DISC1: variants seen among roughly 807,000 people sequenced by gnomAD.
DISC1 encodes the protein DISC1 scaffold protein, also known as disrupted in schizophrenia 1 protein.
In DISC1, 57 loss-of-function variants were observed where a neutral mutation model predicts 84.5. The ratio of observed to expected loss-of-function variants is 0.67; its 90% CI spans 0.55 to 0.84. The LOEUF (loss-of-function observed/expected upper bound fraction) is 0.84, where lower values mean the gene tolerates loss of function less well. Among genes scored for constraint, DISC1 ranks in the 40% least tolerant of loss-of-function variants. The pLI, the probability that DISC1 is intolerant of heterozygous loss-of-function variation, is 0.00. For missense variants in DISC1, 1,000 were observed against 1,057.8 expected (o/e 0.95, Z 0.76); for synonymous variants, 411 against 415.2 (o/e 0.99, Z 0.12).
At chr1:231,959,864 G>A (rs1400662181) in intron 10 of DISC1, among the ~76,000 whole-genome samples, 2 of 152,204 alleles carry the variant, frequency 1.3e-5, no homozygotes, top group African/African-American at 4.8e-5. Flanking sequence ...GCTCCGCTCT[G>A]AGTCTGGCCT....
chr1:231,794,626 C>T (rs1160509280), intron 6 of DISC1, among the ~76,000 whole-genome samples: 1 of 152,126 alleles, frequency 6.6e-6, no homozygotes, highest in Non-Finnish European at 1.5e-5. Flanking sequence ...GTGGACACAA[C>T]AGACAGTCGC....
At chr1:231,789,997 C>T (rs1249970192) in intron 6 of DISC1, among the ~76,000 whole-genome samples, 1 of 152,074 alleles carries the variant, frequency 6.6e-6, no homozygotes, top group East Asian at 1.9e-4. Context: ...CAAAGACATT[C>T]TCACATAACA....
At chr1:231,820,698 A>C (rs1286909708) in intron 9 of DISC1, among the ~76,000 whole-genome samples, 2 of 152,168 alleles carry the variant, frequency 1.3e-5, no homozygotes, top group Non-Finnish European at 2.9e-5. Flanking sequence ...AGTCAGAAAA[A>C]AAACAAAGAA....
At chr1:231,993,218 G>C (rs1053596376) in intron 10 of DISC1, among the ~76,000 whole-genome samples, 4 of 152,110 alleles carry the variant, frequency 2.6e-5, no homozygotes, top group African/African-American at 9.7e-5. Flanking sequence ...GTTCTGGGAA[G>C]AGTGAGAGGT....
At chr1:231,782,714 G>A (rs1049541589) in intron 6 of DISC1, among the ~76,000 whole-genome samples, 1 of 152,012 alleles carries the variant, frequency 6.6e-6, no homozygotes, top group Non-Finnish European at 1.5e-5. Flanking sequence ...GAGGTGGGAG[G>A]ATCACTTGAG....
At chr1:231,807,222 G>A (rs2079810921) in intron 8 of DISC1, among the ~76,000 whole-genome samples, 1 of 152,224 alleles carries the variant, frequency 6.6e-6, no homozygotes, top group Admixed American at 6.5e-5. Context: ...TGGTATCACA[G>A]TCCTCATCTG....
At chr1:231,744,602 G>A (rs141455794) in intron 3 of DISC1, among the ~76,000 whole-genome samples, 12 of 152,218 alleles carry the variant, frequency 7.9e-5, no homozygotes, top group African/African-American at 2.9e-4. Context: ...TGGAATATAT[G>A]TAATGGGTGA....
chr1:231,802,436 A>G (rs1007211633), intron 8 of DISC1, among the ~76,000 whole-genome samples: 1 of 152,064 alleles, frequency 6.6e-6, no homozygotes, highest in Non-Finnish European at 1.5e-5. Context: ...CTTCCTAGCC[A>G]TGGGGAACTG....
intron 9 of DISC1, among the ~76,000 whole-genome samples, chr1:231,847,673 A>C (rs1490688080): frequency 6.6e-6 from 1 of 152,014 alleles, no homozygotes; most frequent in Admixed American, 6.6e-5. Context: ...CCTCATCCTA[A>C]AATGGTTTCT....
chr1:231,761,744 A>G (rs1440311923), intron 4 of DISC1, among the ~76,000 whole-genome samples: 1 of 152,238 alleles, frequency 6.6e-6, no homozygotes, highest in African/African-American at 2.4e-5. Context: ...TTGGGGAATA[A>G]ATTAGTGCAA....
intron 1 of DISC1, among the ~76,000 whole-genome samples, chr1:231,663,315 G>A (rs921261622): frequency 2.0e-5 from 3 of 152,042 alleles, no homozygotes; most frequent in Admixed American, 6.6e-5. Flanking sequence ...CACAATATAC[G>A]AAGCAAATGT....
At chr1:231,756,240 G>T (rs200932263) in intron 4 of DISC1, among the ~76,000 whole-genome samples, 78 of 152,124 alleles carry the variant, frequency 5.1e-4, no homozygotes, top group Admixed American at 9.2e-4. Flanking sequence ...GCAAAGCTCT[G>T]CTCATCAGTC....
chr1:231,988,732 G>A (rs1664795123), intron 10 of DISC1, among the ~76,000 whole-genome samples: 1 of 152,158 alleles, frequency 6.6e-6, no homozygotes, highest in East Asian at 1.9e-4. Flanking sequence ...TTTTATTATA[G>A]CAACTGGAAC....
At chr1:231,895,420 A>ATGTG (rs540758320) in intron 9 of DISC1, among the ~76,000 whole-genome samples, 1 of 144,776 alleles carries the variant, frequency 6.9e-6, no homozygotes, top group African/African-American at 2.6e-5. Context: ...CCTCATATAT[A>ATGTG]TGTGTGTGTG....
At chr1:231,888,887 T>G (rs946048007) in intron 9 of DISC1, among the ~76,000 whole-genome samples, 1 of 152,030 alleles carries the variant, frequency 6.6e-6, no homozygotes, top group African/African-American at 2.4e-5. Flanking sequence ...CACTTTCCCC[T>G]GAGTTTTGGT....
At chr1:231,791,498 A>G (rs1174951204) in intron 6 of DISC1, among the ~76,000 whole-genome samples, 2 of 152,242 alleles carry the variant, frequency 1.3e-5, no homozygotes, top group Non-Finnish European at 2.9e-5. Context: ...GCTCATCTAC[A>G]TAGAGAATTT....
At chr1:231,714,633 G>A (rs1299054190) in intron 3 of DISC1, among the ~76,000 whole-genome samples, 1 of 151,298 alleles carries the variant, frequency 6.6e-6, no homozygotes, top group Admixed American at 6.6e-5. Context: ...AGAGAGGAGA[G>A]AGAGAGAAAG....
chr1:231,801,185 T>C (rs200740010), intron 8 of DISC1, among the ~76,000 whole-genome samples: 4 of 152,136 alleles, frequency 2.6e-5, no homozygotes, highest in Non-Finnish European at 5.9e-5. Flanking sequence ...GCGTATTATT[T>C]ACAACCAGTA....
At chr1:231,666,174 C>T (rs959161426) in intron 1 of DISC1, among the ~76,000 whole-genome samples, 3 of 151,996 alleles carry the variant, frequency 2.0e-5, no homozygotes, top group Admixed American at 6.6e-5. Context: ...ATCACATCCA[C>T]TGCTCACTCA....
Sources: allele counts gnomAD v4.1 joint callset (sites outside exome capture counted in the v4.1 genomes callset), GRCh38; gene constraint gnomAD v4.1.1; transcripts MANE v1.5; gene names NCBI Gene and HGNC (gene_info 2026-07-23, HGNC 2026-07-21).